The following CSMD1 variants were observed in gnomAD, a reference collection of about 807,000 sequenced individuals.
CSMD1 encodes the protein CUB and sushi domain-containing protein 1.
A neutral mutation model predicts 417.5 loss-of-function variants in CSMD1; 213 were observed. The observed-to-expected ratio is 0.51, with a 90% CI of 0.46 to 0.57. CSMD1 has a LOEUF of 0.57. CSMD1 is among the 20% of genes least tolerant of loss of function. The pLI is 0.00. For synonymous variants in CSMD1, 2,862 were observed against 1,736.8 expected (o/e 1.65, Z -16.11); for missense variants, 6,923 against 4,529.7 (o/e 1.53, Z -15.17).
At chr8:3,015,712 C>G (rs1808773935) in intron 52 of CSMD1, among the ~76,000 whole-genome samples, 1 of 151,928 alleles carries the variant, frequency 6.6e-6, no homozygotes, top group South Asian at 2.1e-4. Flanking sequence ...GAAGGTTACT[C>G]AAGGACATTT....
intron 49 of CSMD1, among the ~76,000 whole-genome samples, chr8:3,066,280 T>A (rs2128996236): frequency 6.6e-6 from 1 of 152,328 alleles, no homozygotes; most frequent in South Asian, 2.1e-4. Flanking sequence ...AAAACAGATT[T>A]AGATTCATTC....
intron 1 of CSMD1, among the ~76,000 whole-genome samples, chr8:4,643,504 C>T (rs1203136749): frequency 6.6e-6 from 1 of 151,782 alleles, no homozygotes; most frequent in Non-Finnish European, 1.5e-5. Flanking sequence ...AAGCAACTCT[C>T]AAGTAAAAAA....
In CSMD1 at chr8:4,436,874, C is replaced by T. The variant is rs375813656; in HGVS notation, c.303-16809G>A. The stretch of plus-strand genomic sequence containing the variant: ...TCATCCTTTTTGTGGCTGAAGAGTA[C>T]TCCATTGTGTTTAAGAACCACATTT... On this transcript the variant is annotated intron_variant, in intron 2 of 69. Transcript: ENST00000635120. Among the ~76,000 whole-genome samples, 8 of 152,236 alleles carry T rather than the reference C, an allele frequency of 5.3e-5. No homozygotes were observed. In the South Asian group the frequency reaches 1.7e-3, roughly 32 times the overall value.
At chr8:3,248,448 G>A (rs764037843) in intron 26 of CSMD1, among the ~76,000 whole-genome samples, 5 of 150,496 alleles carry the variant, frequency 3.3e-5, no homozygotes, top group Non-Finnish European at 5.9e-5. Flanking sequence ...CTGGAAGTGT[G>A]AGACAGACAA....
chr8:4,376,029 G>T (rs956268736), intron 3 of CSMD1, among the ~76,000 whole-genome samples: 1 of 152,082 alleles, frequency 6.6e-6, no homozygotes, highest in Non-Finnish European at 1.5e-5. Flanking sequence ...GAAAATGCCC[G>T]TCTTTAAGTC....
intron 26 of CSMD1, among the ~76,000 whole-genome samples, chr8:3,240,389 T>A (rs1799419433): frequency 6.6e-6 from 1 of 151,252 alleles, no homozygotes; most frequent in African/African-American, 2.4e-5. Context: ...ACCAGGTATC[T>A]AAAGTCGAAA....
chr8:4,669,731 T>C (rs887000288), intron 1 of CSMD1, among the ~76,000 whole-genome samples: 3 of 152,176 alleles, frequency 2.0e-5, no homozygotes, highest in Non-Finnish European at 2.9e-5. Flanking sequence ...CCTCTTTACA[T>C]AGTTTTATTC....
intron 3 of CSMD1, among the ~76,000 whole-genome samples, chr8:4,398,119 C>T (rs1269565208): frequency 6.6e-6 from 1 of 152,106 alleles, no homozygotes; most frequent in Non-Finnish European, 1.5e-5. Flanking sequence ...GTTGCTAATG[C>T]CACATCTGGC....
At chr8:3,829,084 G>C (rs759355851) in intron 5 of CSMD1, among the ~76,000 whole-genome samples, 2 of 151,788 alleles carry the variant, frequency 1.3e-5, no homozygotes, top group Non-Finnish European at 2.9e-5. Context: ...GTTTACATGA[G>C]CAAGTTCTTT....
intron 1 of CSMD1, among the ~76,000 whole-genome samples, chr8:4,955,803 A>G (rs192938978): frequency 0.073 from 6,025 of 81,998 alleles, 389 homozygotes; most frequent in African/African-American, 0.2. Flanking sequence ...AGTACCTTCA[A>G]ATTGGCCAAC....
At chr8:4,169,884 G>A (rs1349433375) in intron 3 of CSMD1, among the ~76,000 whole-genome samples, 1 of 151,946 alleles carries the variant, frequency 6.6e-6, no homozygotes, top group African/African-American at 2.4e-5. Context: ...ATTTACTTCT[G>A]TTTTCTATGA....
intron 5 of CSMD1, among the ~76,000 whole-genome samples, chr8:3,846,186 G>C (rs1585082728): frequency 6.6e-6 from 1 of 152,130 alleles, no homozygotes; most frequent in South Asian, 2.1e-4. Flanking sequence ...GTATGTGCTA[G>C]GCTTTTATAT....
At chr8:4,050,697 G>A (rs988595065) in intron 3 of CSMD1, among the ~76,000 whole-genome samples, 4 of 151,700 alleles carry the variant, frequency 2.6e-5, no homozygotes, top group Non-Finnish European at 4.4e-5. Context: ...TTCCATCCAA[G>A]CCCCAACCTC....
intron 3 of CSMD1, among the ~76,000 whole-genome samples, chr8:4,111,639 A>C (rs538038072): frequency 8.5e-5 from 13 of 152,326 alleles, no homozygotes; most frequent in African/African-American, 2.9e-4. Flanking sequence ...TGGAGTTAGA[A>C]GCCATTATCT....
chr8:4,394,410 A>T (rs1191292875), intron 3 of CSMD1, among the ~76,000 whole-genome samples: 1 of 152,232 alleles, frequency 6.6e-6, no homozygotes, highest in East Asian at 1.9e-4. Flanking sequence ...GAACACAATC[A>T]ATATTTCGTC....
chr8:3,901,128 A>G (rs1052572315), intron 5 of CSMD1, among the ~76,000 whole-genome samples: 2 of 152,200 alleles, frequency 1.3e-5, no homozygotes, highest in Admixed American at 1.3e-4. Flanking sequence ...GGGGAGGGTC[A>G]TGAATGTACT....
In CSMD1 at chr8:3,524,544, C is replaced by G. The variant is rs1585303297; in HGVS notation, c.1345-30818G>C. Among the ~76,000 whole-genome samples the G allele has an allele frequency of 2.6e-5, 4 of 151,102 alleles. No homozygotes were observed. The South Asian group carries it at 6.3e-4, about 24-fold the overall frequency. ...GCAAAGACATACGCACACACAAGCA[C>G]ACACATGCACACACACATGCATACC... On this transcript the variant is annotated intron_variant, in intron 10 of 69. Coordinates refer to ENST00000635120, the MANE Select transcript of CSMD1 (RefSeq NM_033225.6).
At chr8:4,643,973 G>A (rs186557462) in intron 1 of CSMD1, among the ~76,000 whole-genome samples, 23 of 152,278 alleles carry the variant, frequency 1.5e-4, no homozygotes, top group Admixed American at 1.2e-3. Context: ...GCGCCCTAGG[G>A]TACTTGGTTG....
intron 49 of CSMD1, among the ~76,000 whole-genome samples, chr8:3,070,881 A>G (rs2125949): frequency 0.3 from 46,122 of 152,108 alleles, 8,114 homozygotes; most frequent in Non-Finnish European, 0.37. Context: ...ATAAAGCAAT[A>G]CCTGAGACTG....
Sources: allele counts gnomAD v4.1 joint callset (sites outside exome capture counted in the v4.1 genomes callset), GRCh38; gene constraint gnomAD v4.1.1; transcripts MANE v1.5; gene names NCBI Gene and HGNC (gene_info 2026-07-23, HGNC 2026-07-21).